The following MYO1D variants were observed in gnomAD, a reference collection of about 807,000 sequenced individuals.
MYO1D encodes myosin ID.
In MYO1D, 83 loss-of-function variants were observed where a neutral mutation model predicts 122.0. The observed-to-expected ratio is 0.68, with a 90% CI of 0.57 to 0.82. The LOEUF (loss-of-function observed/expected upper bound fraction) is 0.82, where lower values mean the gene tolerates loss of function less well. Ranked by LOEUF, MYO1D falls within the 40% of genes least tolerant of loss-of-function variation. The pLI, the probability that MYO1D is intolerant of heterozygous loss-of-function variation, is 0.00. For synonymous variants in MYO1D, 464 were observed against 446.9 expected, an observed-to-expected ratio of 1.04 and a Z score of -0.48; for missense variants, 1,157 against 1,269.5, an observed-to-expected ratio of 0.91 and a Z score of 1.35.
intron 20 of MYO1D, among the ~76,000 whole-genome samples, chr17:32,614,185 C>T (rs1322104664): frequency 6.7e-6 from 1 of 148,498 alleles, no homozygotes; most frequent in Non-Finnish European, 1.5e-5. Flanking sequence ...TCTTTGGTTA[C>T]TGCTCTCTAC....
At chr17:32,533,136 T>C (rs1011122608) in intron 21 of MYO1D, among the ~76,000 whole-genome samples, 7 of 152,208 alleles carry the variant, frequency 4.6e-5, no homozygotes, top group Non-Finnish European at 5.9e-5. Flanking sequence ...TTTAGATCTA[T>C]GGCAAAATGA....
At chr17:32,603,873 G>A (rs1344539160) in intron 21 of MYO1D, among the ~76,000 whole-genome samples, 2 of 152,138 alleles carry the variant, frequency 1.3e-5, no homozygotes, top group Admixed American at 6.5e-5. Context: ...TTATTTGGCA[G>A]ATGGAAAGGA....
intron 21 of MYO1D, among the ~76,000 whole-genome samples, chr17:32,572,277 G>A (rs1167707170): frequency 6.6e-6 from 1 of 151,958 alleles, no homozygotes; most frequent in Non-Finnish European, 1.5e-5. Flanking sequence ...CAGAGGCTGA[G>A]GCTGCTTCCT....
In MYO1D at chr17:32,541,671, G is replaced by A. The variant is rs574050101; in HGVS notation, c.2865-46756C>T. Among the ~76,000 whole-genome samples, 3 of 152,248 alleles carry A rather than the reference G, an allele frequency of 2.0e-5. No individual in the cohort carries two copies. In the East Asian group the frequency reaches 5.8e-4, roughly 29 times the overall value. ...GTCCCAGCTCCAAGAGAATGTGCAGGTGGATTAAAGCAAAAATTCATGTAA... is the reference window on the plus strand; with the variant it reads ...GTCCCAGCTCCAAGAGAATGTGCAGATGGATTAAAGCAAAAATTCATGTAA... On this transcript the variant is annotated intron_variant, in intron 21 of 21. Transcript: ENST00000318217.
intron 1 of MYO1D, among the ~76,000 whole-genome samples, chr17:32,845,584 T>A (rs181968723): frequency 6.6e-6 from 1 of 152,332 alleles, no homozygotes; most frequent in Non-Finnish European, 1.5e-5. Flanking sequence ...GGTAGAGGGA[T>A]GTATCCAGGT....
At chr17:32,583,205 C>G (rs1038500421) in intron 21 of MYO1D, among the ~76,000 whole-genome samples, 3 of 152,158 alleles carry the variant, frequency 2.0e-5, no homozygotes, top group African/African-American at 7.2e-5. Context: ...AGATGTTTCT[C>G]TATTGCTCTC....
chr17:32,871,474 A>AGCTTTGG (rs2091179923), intron 1 of MYO1D, among the ~76,000 whole-genome samples: 1 of 152,234 alleles, frequency 6.6e-6, no homozygotes, highest in Admixed American at 6.5e-5. Flanking sequence ...TTTGGCATGC[A>AGCTTTGG]CAGTGCTTCA....
In MYO1D at chr17:32,821,536, A is replaced by T. The variant is rs1275953328; in HGVS notation, c.96-40752T>A. 6.3e-5 allele frequency among the ~76,000 whole-genome samples: 9 copies of T among 141,988 alleles called. 1 individual carries two copies. The Middle Eastern group carries it at 0.019, about 303-fold the overall frequency. 93.1% of individuals were successfully genotyped at this position (141,988 alleles called of 152,430 possible). A position where few individuals can be genotyped will look rare whatever the true frequency, so the allele number is the denominator to read the frequency against. The stretch of plus-strand genomic sequence containing the variant: ...TTTGTCAGCTGAAGATAAGTAAATC[A>T]CACATACACACACACACACACACAC... On this transcript the variant is annotated intron_variant, in intron 1 of 21. Transcript: ENST00000318217.
intron 20 of MYO1D, among the ~76,000 whole-genome samples, chr17:32,614,917 T>TTC (rs1254219568): frequency 1.3e-5 from 2 of 152,054 alleles, no homozygotes; most frequent in Admixed American, 6.6e-5. Context: ...GACAAGTGAG[T>TTC]GTATGAGGGC....
At chr17:32,643,960 TTTGAATATGTTTGCTC>T (rs2088246306) in intron 19 of MYO1D, among the ~76,000 whole-genome samples, 1 of 152,216 alleles carries the variant, frequency 6.6e-6, no homozygotes, top group Admixed American at 6.5e-5. Context: ...TCTGCTAGCT[TTTGAATATGTTTGCTC>T]TTGCTTCTCT....
At chr17:32,678,130 T>C (rs1399075492) in intron 16 of MYO1D, among the ~76,000 whole-genome samples, 2 of 152,232 alleles carry the variant, frequency 1.3e-5, no homozygotes, top group East Asian at 3.9e-4. Flanking sequence ...ATTTATGTAT[T>C]TCCTGGCTTG....
intron 21 of MYO1D, among the ~76,000 whole-genome samples, chr17:32,508,987 T>C (rs535155660): frequency 6.6e-6 from 1 of 152,326 alleles, no homozygotes; most frequent in African/African-American, 2.4e-5. Context: ...AATGAATTTT[T>C]ATAAAATGAC....
chr17:32,513,674 T>TA (rs1374425242), intron 21 of MYO1D, among the ~76,000 whole-genome samples: 9 of 152,208 alleles, frequency 5.9e-5, no homozygotes, highest in Non-Finnish European at 1.3e-4. Context: ...AATCAGCACT[T>TA]ACAATATTAC....
chr17:32,755,266 T>C (rs1156752099), intron 11 of MYO1D, among the ~76,000 whole-genome samples: 6 of 152,240 alleles, frequency 3.9e-5, no homozygotes, highest in Non-Finnish European at 7.3e-5. Flanking sequence ...TTGCATAGTC[T>C]GGAGCTCCCT....
At chr17:32,658,981 C>T (rs2088514672) in intron 17 of MYO1D, 134 bp downstream of exon 17, 2 of 877,682 alleles carry the variant, frequency 2.3e-6, no homozygotes, top group Non-Finnish European at 3.4e-6. Context: ...ATCTACAAAA[C>T]TGAAAACATA....
chr17:32,626,014 G>A (rs2087923043), intron 20 of MYO1D, among the ~76,000 whole-genome samples: 1 of 152,218 alleles, frequency 6.6e-6, no homozygotes, highest in Admixed American at 6.5e-5. Flanking sequence ...ACCTTTCTGA[G>A]CACCAGTTTT....
At chr17:32,672,456 C>T (rs2729342) in intron 16 of MYO1D, among the ~76,000 whole-genome samples, 104,811 of 152,018 alleles carry the variant, frequency 0.69, 36,256 homozygotes, top group Middle Eastern at 0.78. Flanking sequence ...CATATATACG[C>T]AGATAATTCC....
intron 1 of MYO1D, among the ~76,000 whole-genome samples, chr17:32,864,712 T>C (rs1036816995): frequency 4.7e-4 from 72 of 152,260 alleles, no homozygotes; most frequent in African/African-American, 1.6e-3. Context: ...TAAAATAGAA[T>C]ACATTAAAAA....
At chr17:32,647,978 C>T (rs145771863) in intron 19 of MYO1D, among the ~76,000 whole-genome samples, 6,330 of 152,226 alleles carry the variant, frequency 0.042, 217 homozygotes, top group East Asian at 0.19. Flanking sequence ...GTTTGGGAGG[C>T]CTAGGTGGGC....
Sources: allele counts gnomAD v4.1 joint callset (sites outside exome capture counted in the v4.1 genomes callset), GRCh38; gene constraint gnomAD v4.1.1; transcripts MANE v1.5; gene names NCBI Gene and HGNC (gene_info 2026-07-23, HGNC 2026-07-21).